GLRX: variants seen among roughly 807,000 people sequenced by gnomAD.
The protein encoded by GLRX is glutaredoxin-1.
In GLRX, 9 loss-of-function variants were observed where a neutral mutation model predicts 11.1. That is an observed-to-expected ratio of 0.81 (90% CI 0.49 to 1.42). The LOEUF is 1.42. Among genes scored for constraint, GLRX ranks in the 40% most tolerant of loss-of-function variants. The pLI is 0.00. For missense variants in GLRX, 102 were observed against 126.2 expected, an observed-to-expected ratio of 0.81 and a Z score of 0.92; for synonymous variants, 49 against 49.5, an observed-to-expected ratio of 0.99 and a Z score of 0.04.
chr5:95,815,896 C>T (rs1746976921), intron 2 of GLRX, among the ~76,000 whole-genome samples: 1 of 152,212 alleles, frequency 6.6e-6, no homozygotes, highest in African/African-American at 2.4e-5. Context: ...GGCCTGGGTG[C>T]TCTGGCCCCT....
At chr5:95,815,729 G>A (rs920645065) in intron 2 of GLRX, among the ~76,000 whole-genome samples, 2 of 152,238 alleles carry the variant, frequency 1.3e-5, no homozygotes, top group African/African-American at 4.8e-5. Context: ...GTTTTCCACA[G>A]AGCCAAAGAT....
rs1315127248 is a variant in GLRX at position 95,822,566 on chromosome 5, G to C, written c.97C>G (p.Leu33Val). ...CPYCRRAQEI[L>V]SQLPIKQGLL... ...CCTTGTTTGATGGGCAATTGACTGA[G>C]GATCTCTTGGGCCCTCCTGCAGTAC... Residue 33 changes from leucine to valine, a missense_variant, in exon 1 of 3, where the codon CTC becomes GTC. By Grantham distance (32) the Leu-to-Val change is conservative. Coordinates refer to ENST00000237858, the MANE Select transcript of GLRX (RefSeq NM_001118890.2). 1 of 1,613,790 alleles carries C rather than the reference G, an allele frequency of 6.2e-7. No homozygotes were observed.
intron 2 of GLRX, among the ~76,000 whole-genome samples, chr5:95,815,727 C>G (rs1444920037): frequency 6.6e-6 from 1 of 152,214 alleles, no homozygotes; most frequent in Non-Finnish European, 1.5e-5. Flanking sequence ...TGGTTTTCCA[C>G]AGAGCCAAAG....
chr5:95,820,108 C>T (rs6875489), intron 1 of GLRX, among the ~76,000 whole-genome samples: 102,009 of 151,594 alleles, frequency 0.67, 34,396 homozygotes, highest in East Asian at 0.8. Flanking sequence ...TCCCAGCACT[C>T]TGGGAAGCTG....
intron 1 of GLRX, chr5:95,818,797 C>T (rs915372850): frequency 3.3e-5 from 5 of 152,344 alleles, no homozygotes; most frequent in South Asian, 2.1e-4. Context: ...CATCTCACAC[C>T]GAGTACCAGT....
intron 2 of GLRX, among the ~76,000 whole-genome samples, chr5:95,816,103 C>T (rs776418893): frequency 6.6e-6 from 1 of 152,178 alleles, no homozygotes; most frequent in Non-Finnish European, 1.5e-5. Context: ...TCAACCCTTC[C>T]TGAGAAAGGC....
At position 95,822,614 on chromosome 5, in the gene GLRX, C is replaced by T; in HGVS notation, c.49G>A (p.Val17Met). ...NCKIQPGKVV[V>M]FIKPTCPYCR... is the part of the protein sequence containing the mutation. Reference sequence around the variant, plus strand: ...TACGGGCAGGTGGGCTTGATGAACACAACCACCTTCCCAGGCTGGATTTTG... The same window carrying T: ...TACGGGCAGGTGGGCTTGATGAACATAACCACCTTCCCAGGCTGGATTTTG... The change falls in exon 1 of 3, where the codon GTG becomes ATG. Residue 17 changes from valine to methionine, a missense_variant. Physicochemically the swap from Val to Met is conservative, Grantham distance 21 (BLOSUM62 1). Transcript: ENST00000237858. The T allele has an allele frequency of 6.2e-7, 1 of 1,613,932 alleles. No homozygotes were observed. Among genetic ancestry groups the T allele is most frequent in the Non-Finnish European group, 8.5e-7 (1 of 1,179,850 alleles).
At chr5:95,822,419 C>T (rs755222143) in intron 1 of GLRX, 37 bp downstream of exon 1, 2 of 1,522,444 alleles carry the variant, frequency 1.3e-6, no homozygotes, top group Non-Finnish European at 9.1e-7. Context: ...AAAGGCAATC[C>T]GGGAGCCTTT....
At chr5:95,822,224 G>A in intron 1 of GLRX, 1 of 568,814 alleles carries the variant, frequency 1.8e-6, no homozygotes, top group African/African-American at 1.9e-5. Context: ...CCGCACAGCA[G>A]ACATCAGCTG....
intron 2 of GLRX, chr5:95,815,069 G>T (rs1746937718): frequency 6.6e-6 from 1 of 152,316 alleles, no homozygotes; most frequent in African/African-American, 2.4e-5. Flanking sequence ...ATGGCCTTGA[G>T]ATGCAGCTGC....
In GLRX at chr5:95,822,620, C is replaced by T; in HGVS notation, c.43G>A (p.Val15Met). The T allele has an allele frequency of 1.2e-6, 2 of 1,613,984 alleles. No homozygotes were observed. The highest frequency in any genetic ancestry group is 1.7e-6 in the Non-Finnish European group (2 of 1,179,874). The change falls in exon 1 of 3, where the codon GTG becomes ATG. Residue 15 changes from valine to methionine, a missense_variant. By Grantham distance (21) the Val-to-Met change is conservative (BLOSUM62 1). Transcript: ENST00000237858. ...CAGGTGGGCTTGATGAACACAACCA[C>T]CTTCCCAGGCTGGATTTTGCAGTTC... ...FVNCKIQPGK[V>M]VVFIKPTCPY...
At chr5:95,815,617 T>C (rs1212931136) in intron 2 of GLRX, among the ~76,000 whole-genome samples, 1 of 152,204 alleles carries the variant, frequency 6.6e-6, no homozygotes, top group African/African-American at 2.4e-5. Flanking sequence ...ATTGGCCTGC[T>C]TGGGAGCTAG....
chr5:95,822,314 C>T (rs1040961279), intron 1 of GLRX, 142 bp downstream of exon 1: 4 of 651,272 alleles, frequency 6.1e-6, no homozygotes, highest in Non-Finnish European at 1.1e-5. Context: ...CTCTAAGGCG[C>T]CCTCCCCCAC....
intron 2 of GLRX, among the ~76,000 whole-genome samples, chr5:95,815,710 C>T (rs1181281403): frequency 1.3e-5 from 2 of 152,188 alleles, no homozygotes; most frequent in Non-Finnish European, 2.9e-5. Context: ...AAATGTTCAT[C>T]GCCCTGTGGT....
intron 1 of GLRX, chr5:95,819,386 C>T (rs1421167677): frequency 6.6e-6 from 1 of 152,168 alleles, no homozygotes; most frequent in Non-Finnish European, 1.5e-5. Context: ...CAAAGAAGTT[C>T]TTCAGAGAGA....
intron 1 of GLRX, chr5:95,816,827 G>GTCTT (rs1466448427): frequency 4.4e-6 from 2 of 455,086 alleles, no homozygotes; most frequent in African/African-American, 2.0e-5. Context: ...CGCCAGAAGA[G>GTCTT]TTTTCAAGTT....
chr5:95,816,434 A>G, intron 2 of GLRX, 73 bp downstream of exon 2: 1 of 780,792 alleles, frequency 1.3e-6, no homozygotes, highest in Non-Finnish European at 2.3e-6. Flanking sequence ...GCTGTCATAC[A>G]GTATAACAAA....
intron 1 of GLRX, among the ~76,000 whole-genome samples, chr5:95,820,675 GAGCGA>G (rs1747198252): frequency 7.1e-6 from 1 of 141,502 alleles, no homozygotes; most frequent in Non-Finnish European, 1.5e-5. Context: ...TGGGCGACAA[GAGCGA>G]AATTCCATCT....
intron 1 of GLRX, chr5:95,819,293 C>T (rs1320733071): frequency 6.6e-6 from 1 of 152,146 alleles, no homozygotes; most frequent in Non-Finnish European, 1.5e-5. Flanking sequence ...AATCATCATT[C>T]AAATGCGAAG....
Sources: gnomAD v4.1 joint callset for allele counts (sites outside exome capture counted in the v4.1 genomes callset) on GRCh38, gnomAD v4.1.1 for gene constraint, MANE v1.5 for transcripts, NCBI Gene and HGNC (gene_info 2026-07-23, HGNC 2026-07-21) for gene names.